FAR1: variants seen among roughly 807,000 people sequenced by gnomAD.
FAR1 encodes male sterility domain-containing protein 2.
FAR1 carries 22 observed loss-of-function variants against 61.1 expected under a neutral mutation model. That is an observed-to-expected ratio of 0.36 (90% CI 0.26 to 0.51). The LOEUF (loss-of-function observed/expected upper bound fraction) is 0.51. FAR1 is among the 20% of genes least tolerant of loss of function. FAR1 has a pLI of 0.95. For synonymous variants in FAR1, 206 were observed against 209.7 expected, an observed-to-expected ratio of 0.98 and a Z score of 0.15; for missense variants, 359 against 626.9, an observed-to-expected ratio of 0.57 and a Z score of 4.56.
At chr11:13,711,035 C>G (rs1848493191) in intron 5 of FAR1, 165 bp downstream of exon 5, 2 of 587,802 alleles carry the variant, frequency 3.4e-6, no homozygotes, top group Admixed American at 7.4e-5. Flanking sequence ...TTGGTACTTT[C>G]ATTTCTATAA....
intron 2 of FAR1, among the ~76,000 whole-genome samples, chr11:13,696,649 T>C (rs1848308855): frequency 6.6e-6 from 1 of 150,604 alleles, no homozygotes; most frequent in Non-Finnish European, 1.5e-5. Flanking sequence ...TTGACTTAAC[T>C]TGATACTCCA....
intron 9 of FAR1, among the ~76,000 whole-genome samples, chr11:13,718,349 T>G (rs1352506913): frequency 6.6e-6 from 1 of 152,222 alleles, no homozygotes; most frequent in Non-Finnish European, 1.5e-5. Flanking sequence ...TCTTTTGCCC[T>G]CTTTCAGCAA....
At position 13,721,600 on chromosome 11, in the gene FAR1, C is replaced by A; in HGVS notation, c.1128-130C>A. 1.5e-6 allele frequency: 1 copy of A among 648,078 alleles called. No individual in the cohort carries two copies. The highest frequency in any genetic ancestry group is 2.5e-6 in the Non-Finnish European group (1 of 395,760). The allele number at this position is 648,078 out of a possible 1,614,324, so 40.1% of individuals were successfully genotyped here. A position where few individuals can be genotyped will look rare whatever the true frequency, so the allele number is the denominator to read the frequency against. On this transcript the variant is annotated intron_variant, in intron 9 of 11. Transcript: ENST00000354817. The surrounding 1 kb of genome is among the most constrained non-coding windows in gnomAD (Gnocchi z 4.2). Reference sequence around the variant, plus strand: ...TCTTATTCCCTGCTGATTTGGTACACTTAATGATTAAATGTTATAATTTTA... The same window carrying A: ...TCTTATTCCCTGCTGATTTGGTACAATTAATGATTAAATGTTATAATTTTA...
chr11:13,707,694 G>A (rs1331898960), intron 3 of FAR1, among the ~76,000 whole-genome samples: 4 of 152,054 alleles, frequency 2.6e-5, no homozygotes, highest in Non-Finnish European at 4.4e-5. Context: ...GGGCTACAAG[G>A]CAGGTTATTT....
chr11:13,700,331 G>A lies in FAR1; in HGVS notation c.204G>A (p.Leu68=). Residue 68 remains leucine (L), a synonymous_variant, in exon 3 of 12, where the codon TTG becomes TTA. Coordinates refer to ENST00000354817, the MANE Select transcript of FAR1 (RefSeq NM_032228.6). ...CCTCTTGATAGCTTTTTGACAGATT[G>A]AGAGATGAAAATCCAGATTTTAGAG... ...EVLSGKLFDR[L]RDENPDFREK... 2 of 1,587,740 alleles carry A rather than the reference G, an allele frequency of 1.3e-6. No individual in the cohort carries two copies. Among genetic ancestry groups the A allele is most frequent in the Non-Finnish European group, 1.7e-6 (2 of 1,171,532 alleles).
intron 4 of FAR1, among the ~76,000 whole-genome samples, chr11:13,708,682 A>G (rs569865709): frequency 2.4e-4 from 36 of 152,242 alleles, no homozygotes; most frequent in African/African-American, 8.4e-4. Context: ...TTAGCAACCA[A>G]GAAGTACCAA....
chr11:13,696,386 A>G (rs1270411981), intron 2 of FAR1, among the ~76,000 whole-genome samples: 3 of 152,100 alleles, frequency 2.0e-5, no homozygotes, highest in South Asian at 2.1e-4. Context: ...GGAGTGATAG[A>G]CGTGTCAGGA....
intron 1 of FAR1, among the ~76,000 whole-genome samples, chr11:13,692,196 T>C (rs1010354927): frequency 6.6e-6 from 1 of 152,030 alleles, no homozygotes; most frequent in African/African-American, 2.4e-5. Flanking sequence ...ACCAACATGA[T>C]GCTCAAAGGA....
At chr11:13,726,727 C>CT (rs896994096) in intron 10 of FAR1, among the ~76,000 whole-genome samples, 107 of 141,660 alleles carry the variant, frequency 7.6e-4, no homozygotes, top group Admixed American at 1.3e-3. Flanking sequence ...GCTTCTCTTC[C>CT]TTTTTTTTTT....
At chr11:13,711,737 T>C in intron 5 of FAR1, 27 bp from the exon 6 acceptor site, 1 of 1,530,802 alleles carries the variant, frequency 6.5e-7, no homozygotes, top group Non-Finnish European at 9.0e-7. Flanking sequence ...TCTAAGCTTC[T>C]CTCCCTTTTA....
chr11:13,696,060 A>G (rs1369168403), intron 2 of FAR1, among the ~76,000 whole-genome samples: 1 of 152,120 alleles, frequency 6.6e-6, no homozygotes, highest in Non-Finnish European at 1.5e-5. Context: ...AAGAGTCATC[A>G]ATGGGGCTGT....
At chr11:13,724,776 C>T (rs11022945) in intron 10 of FAR1, among the ~76,000 whole-genome samples, 3,663 of 152,148 alleles carry the variant, frequency 0.024, 67 homozygotes, top group Non-Finnish European at 0.032. Context: ...GCCTTCAAAA[C>T]CCAGAGTGCA....
chr11:13,672,174 C>A (rs1026189480), intron 1 of FAR1, among the ~76,000 whole-genome samples: 1 of 151,954 alleles, frequency 6.6e-6, no homozygotes, highest in African/African-American at 2.4e-5. Flanking sequence ...GTACTCTATA[C>A]AAATTTAAAT....
rs546335115 is a variant in FAR1, at chr11:13,728,719, G to A, written c.1493G>A (p.Ser498Asn). ...AGAAATATCTGGTACTTTGTGGTTA[G>A]TCTGTGTTACAAGTTTTTGTCATAC... ...MARNIWYFVV[S>N]LCYKFLSYFR... Residue 498 changes from serine to asparagine, a missense_variant, in exon 12 of 12, where the codon AGT becomes AAT. This residue lies in a region of FAR1 where 15 missense variants were observed against 56.5 expected (regional missense o/e 0.27). Transcript: ENST00000354817. 176 of 1,612,406 alleles carry A rather than the reference G, an allele frequency of 1.1e-4. 1 individual carries two copies. The highest frequency in any genetic ancestry group is 4.7e-4 in the South Asian group (43 of 91,040).
intron 11 of FAR1, 50 bp downstream of exon 11, chr11:13,727,733 T>C (rs1013854634): frequency 6.6e-7 from 1 of 1,523,244 alleles, no homozygotes; most frequent in South Asian, 1.3e-5. Flanking sequence ...TTATGAAATA[T>C]TCCACAATTT....
chr11:13,724,012 A>C (rs1410618684), intron 10 of FAR1, among the ~76,000 whole-genome samples: 1 of 152,212 alleles, frequency 6.6e-6, no homozygotes, highest in African/African-American at 2.4e-5. Context: ...TACTTGAGCT[A>C]GGTCTCACCC....
intron 1 of FAR1, among the ~76,000 whole-genome samples, chr11:13,671,818 AG>A (rs1392253303): frequency 6.6e-6 from 1 of 152,206 alleles, no homozygotes; most frequent in Non-Finnish European, 1.5e-5. Flanking sequence ...GCTTGATGCC[AG>A]GCACTGTAGT....
chr11:13,686,131 G>A (rs561380514), intron 1 of FAR1, among the ~76,000 whole-genome samples: 6 of 152,158 alleles, frequency 3.9e-5, no homozygotes, highest in African/African-American at 1.2e-4. Flanking sequence ...CACCCTACCC[G>A]TATAGACGTG....
At position 13,722,858 on chromosome 11, in the gene FAR1, C is replaced by CTCTCTCTCTCTATA. The variant is rs905924337; in HGVS notation, c.1257+1000_1257+1001insCTCTCTCTCTATAT. 8.5e-4 allele frequency among the ~76,000 whole-genome samples: 126 copies of CTCTCTCTCTCTATA among 147,870 alleles called. 4 individuals carry two copies. The highest frequency in any genetic ancestry group is 9.5e-4 in the Non-Finnish European group (64 of 67,252). ...TAGATTTCTCCCTCTCTCTCTCTCT[C>CTCTCTCTCTCTATA]TATATATATATATATATATAAAATA... On this transcript the variant is annotated intron_variant, in intron 10 of 11. Coordinates refer to ENST00000354817, the MANE Select transcript of FAR1 (RefSeq NM_032228.6).
Sources: allele counts gnomAD v4.1 joint callset (sites outside exome capture counted in the v4.1 genomes callset), GRCh38; gene constraint gnomAD v4.1.1; regional missense constraint gnomAD v4.1.1; non-coding constraint Gnocchi (gnomAD v3.1); transcripts MANE v1.5; gene names NCBI Gene and HGNC (gene_info 2026-07-23, HGNC 2026-07-21).